The following CFAP65 variants were observed in gnomAD, a reference collection of about 807,000 sequenced individuals.
The protein encoded by CFAP65 is cilia and flagella associated protein 65, also known as cilia- and flagella-associated protein 65.
In CFAP65, 155 loss-of-function variants were observed where a neutral mutation model predicts 208.0. The ratio of observed to expected loss-of-function variants is 0.75; its 90% CI spans 0.65 to 0.85. The LOEUF (loss-of-function observed/expected upper bound fraction) is 0.85. CFAP65 is among the 40% of genes least tolerant of loss of function. CFAP65 has a pLI of 0.00. For missense variants in CFAP65, 2,294 were observed against 2,451.3 expected, an observed-to-expected ratio of 0.94 and a Z score of 1.36; for synonymous variants, 970 against 986.3, an observed-to-expected ratio of 0.98 and a Z score of 0.31.
Position 219,029,469 on chromosome 2 carries a change from G to T in CFAP65, c.1584C>A (p.His528Gln), listed in dbSNP as rs150200816. The change falls in exon 11 of 35, where the codon CAC (histidine) becomes CAA (glutamine). Residue 528 changes from histidine (H) to glutamine (Q), a missense_variant. Coordinates refer to ENST00000341552, the MANE Select transcript of CFAP65 (RefSeq NM_194302.4). The part of the protein sequence containing the change: ...TLVGKARMTL[H>Q]CAFQPTHPII... Reference sequence around the variant, plus strand: ...TGGGGTGAGTGGGCTGGAAGGCACAGTGCAGGGTCATACGGGCCTTGCCCA... The same window carrying T: ...TGGGGTGAGTGGGCTGGAAGGCACATTGCAGGGTCATACGGGCCTTGCCCA... 5.4e-4 allele frequency: 865 copies of T among 1,614,138 alleles called. 4 individuals are homozygous for T. The Middle Eastern group carries it at 5.4e-3, about 10-fold the overall frequency.
chr2:219,013,658 C>T, intron 22 of CFAP65, 73 bp from the exon 23 acceptor site: 3 of 1,422,388 alleles, frequency 2.1e-6, no homozygotes, highest in African/African-American at 1.4e-5. Context: ...ATGGACATGA[C>T]ATTTCTGTGG....
chr2:219,009,178 GA>G, intron 28 of CFAP65, 24 bp from the exon 29 acceptor site: 1 of 1,597,666 alleles, frequency 6.3e-7, no homozygotes, highest in Non-Finnish European at 8.6e-7. Flanking sequence ...CAGAGAGAGA[GA>G]AGGCCAAGGT....
chr2:219,033,819 A>G (rs1277642072), intron 5 of CFAP65: 1 of 151,736 alleles, frequency 6.6e-6, no homozygotes, highest in Non-Finnish European at 1.5e-5. Context: ...TGTAAGGACT[A>G]GAAAGAAAAA....
At chr2:219,039,220 G>T in intron 2 of CFAP65, 170 bp from the exon 3 acceptor site, 1 of 504,378 alleles carries the variant, frequency 2.0e-6, no homozygotes, top group African/African-American at 2.0e-5. Context: ...TTTTCCAGGA[G>T]GAATGGCCAC....
intron 21 of CFAP65, chr2:219,014,982 A>C (rs1946760885): frequency 6.6e-6 from 1 of 150,600 alleles, no homozygotes; most frequent in Middle Eastern, 3.1e-3. Flanking sequence ...CACGCAACAC[A>C]CACCTGAGGA....
Position 219,032,390 on chromosome 2 carries a change from G to C in CFAP65, c.645+80C>G. 7.7e-7 allele frequency: 1 copy of C among 1,299,792 alleles called. No homozygotes were observed. The highest frequency in any genetic ancestry group is 1.1e-6 in the Non-Finnish European group (1 of 939,416). The allele number at this position is 1,299,792 out of a possible 1,614,324, so 80.5% of individuals were successfully genotyped here. A position where few individuals can be genotyped will look rare whatever the true frequency, so the allele number is the denominator to read the frequency against. ...CATGTGTGTGTGCCGGGGCGCTCCT[G>C]GTTGCTCTGTCCTGTTTTCTGTTCT... On this transcript the variant is annotated intron_variant, in intron 6 of 34. Transcript: ENST00000341552. The surrounding 1 kb of genome is among the most constrained non-coding windows in gnomAD (Gnocchi z 5.5).
chr2:219,003,109 G>A lies in CFAP65; in HGVS notation c.5693+26C>T, dbSNP rs1164017131. The A allele has an allele frequency of 3.2e-6, 5 of 1,542,878 alleles. No homozygotes were observed. In the Admixed American group the frequency reaches 7.9e-5, roughly 24 times the overall value. ...CCGTGGCCCCTCTCGCGCGGTCTGC[G>A]CGGCCGCTGGTCCCGGCGCCCTTAC... On this transcript the variant is annotated intron_variant, in intron 34 of 34. Transcript: ENST00000341552. This position sits in a 1 kb window ranked among gnomAD's most constrained non-coding sequence, Gnocchi z 4.4.
rs1479034908 is a variant in CFAP65 at position 219,019,167 on chromosome 2, G to A, written c.3486C>T (p.Ile1162=). Residue 1162 remains isoleucine (I), a synonymous_variant, in exon 21 of 35, where the codon ATC becomes ATT. Transcript: ENST00000341552. ...GCCTTAAAGGGGTGAGGACGGGGGG[G>A]ATCTGGCTCATGCTGTGAGGAACAG... The part of the protein sequence containing the change: ...KVPTRHSMSQ[I]PPVLTPLRLD... 5 of 1,613,102 alleles carry A rather than the reference G, an allele frequency of 3.1e-6. No individual in the cohort carries two copies. The highest frequency in any genetic ancestry group is 1.7e-6 in the Non-Finnish European group (2 of 1,179,390).
intron 14 of CFAP65, among the ~76,000 whole-genome samples, chr2:219,024,633 G>T (rs190486124): frequency 6.6e-6 from 1 of 152,188 alleles, no homozygotes; most frequent in African/African-American, 2.4e-5. Context: ...AAGCTCTGGG[G>T]CTGCAGTAAG....
intron 5 of CFAP65, 82 bp downstream of exon 5, chr2:219,035,398 T>C: frequency 6.2e-7 from 1 of 1,611,958 alleles, no homozygotes; most frequent in Non-Finnish European, 8.5e-7. Flanking sequence ...GTTTTTTTTG[T>C]TTGTTTTGTT....
In CFAP65 at chr2:219,004,866, TTC is replaced by T. The variant is rs1443653419; in HGVS notation, c.5052-413_5052-412del. On this transcript the variant is annotated intron_variant, in intron 32 of 34. Coordinates refer to ENST00000341552, the MANE Select transcript of CFAP65 (RefSeq NM_194302.4). The surrounding 1 kb of genome is among the most constrained non-coding windows in gnomAD (Gnocchi z 4.7). ...ACCGTGGTGGGATCTTGCAAAGAAG[TTC>T]TGTTTCTTTTTTTCTTTTCTCTCTC... Among the ~76,000 whole-genome samples, 1 of 148,206 alleles carries T rather than the reference TTC, an allele frequency of 6.7e-6. No individual in the cohort carries two copies. Among genetic ancestry groups the T allele is most frequent in the Non-Finnish European group, 1.5e-5 (1 of 67,678 alleles).
chr2:219,024,000 C>T lies in CFAP65; in HGVS notation c.2595+15G>A. 6.2e-7 allele frequency: 1 copy of T among 1,609,100 alleles called. No homozygotes were observed. The highest frequency in any genetic ancestry group is 8.5e-7 in the Non-Finnish European group (1 of 1,176,556). ...CCATTCCCAAGGACCCAGGTCCCCT[C>T]CCTCTGCCTCCTACCTTGAGATACT... On this transcript the variant is annotated intron_variant, in intron 15 of 34. Coordinates refer to ENST00000341552, the MANE Select transcript of CFAP65 (RefSeq NM_194302.4).
intron 15 of CFAP65, among the ~76,000 whole-genome samples, chr2:219,023,796 G>A (rs866412976): frequency 4.1e-4 from 62 of 152,274 alleles, no homozygotes; most frequent in African/African-American, 1.4e-3. Context: ...CCTCTTTCTT[G>A]GCCTCAGACC....
chr2:219,027,110 A>C, intron 13 of CFAP65: 1 of 1,065,156 alleles, frequency 9.4e-7, no homozygotes, highest in Non-Finnish European at 1.1e-6. Flanking sequence ...GAAGGAAGGG[A>C]TGGGCAGGAC....
chr2:219,030,955 A>G, intron 8 of CFAP65, 121 bp from the exon 9 acceptor site: 1 of 1,449,852 alleles, frequency 6.9e-7, no homozygotes, highest in East Asian at 2.4e-5. Context: ...ATCATGGAAG[A>G]CAAAAGGCAA....
chr2:219,035,222 C>T (rs1268029050), intron 5 of CFAP65: 2 of 1,180,168 alleles, frequency 1.7e-6, no homozygotes, highest in African/African-American at 1.5e-5. Flanking sequence ...TGCCAACAGT[C>T]CCAAATAGAA....
chr2:219,018,926 G>A, intron 21 of CFAP65, 125 bp downstream of exon 21: 2 of 1,324,126 alleles, frequency 1.5e-6, no homozygotes, highest in Admixed American at 1.9e-5. Context: ...CCGTCAATGT[G>A]AGGTCCACTC....
At chr2:219,008,577 C>T (rs113097844) in intron 29 of CFAP65, among the ~76,000 whole-genome samples, 13,967 of 151,916 alleles carry the variant, frequency 0.092, 2,102 homozygotes, top group African/African-American at 0.32. Flanking sequence ...AAACCCCATC[C>T]CTACTAAAAA....
chr2:219,028,581 G>A (rs1947813535), intron 11 of CFAP65, among the ~76,000 whole-genome samples, 180 bp from the exon 12 acceptor site: 1 of 152,080 alleles, frequency 6.6e-6, no homozygotes, highest in African/African-American at 2.4e-5. Context: ...GGCACAGCAG[G>A]AGTCCAGGGA....
Sources: allele counts gnomAD v4.1 joint callset (sites outside exome capture counted in the v4.1 genomes callset), GRCh38; gene constraint gnomAD v4.1.1; non-coding constraint Gnocchi (gnomAD v3.1); transcripts MANE v1.5; gene names NCBI Gene and HGNC (gene_info 2026-07-23, HGNC 2026-07-21).